CDH4: variants seen among roughly 807,000 people sequenced by gnomAD.
CDH4 encodes the protein cadherin 4, also known as cadherin-4.
CDH4 carries 33 observed loss-of-function variants against 86.0 expected under a neutral mutation model. The ratio of observed to expected loss-of-function variants is 0.38; its 90% CI spans 0.29 to 0.51. The LOEUF (loss-of-function observed/expected upper bound fraction) is 0.51. Among genes scored for constraint, CDH4 ranks in the 20% least tolerant of loss-of-function variants. The pLI is 0.86. For missense variants in CDH4, 1,114 were observed against 1,307.4 expected, an observed-to-expected ratio of 0.85 and a Z score of 2.28; for synonymous variants, 555 against 549.4, an observed-to-expected ratio of 1.01 and a Z score of -0.14.
chr20:61,929,796 C>T lies in CDH4; in HGVS notation c.2193C>T (p.Gly731=), dbSNP rs769694905. The change falls in exon 13 of 16, where the codon GGC becomes GGT. Residue 731 remains glycine, a synonymous_variant. Coordinates refer to ENST00000614565, the MANE Select transcript of CDH4 (RefSeq NM_001794.5). The part of the protein sequence containing the change: ...TIGAVAAAGL[G]TGAIVAILIC... ...GCGCAGTGGCAGCGGCTGGTCTGGG[C>T]ACCGGTGCCATCGTGGCCATCCTCA... 1.9e-6 allele frequency: 3 copies of T among 1,614,008 alleles called. No homozygotes were observed. The highest frequency in any genetic ancestry group is 1.1e-5 in the South Asian group (1 of 91,088).
intron 4 of CDH4, among the ~76,000 whole-genome samples, chr20:61,780,558 T>A (rs1440350224): frequency 6.6e-6 from 1 of 152,204 alleles, no homozygotes; most frequent in Non-Finnish European, 1.5e-5. Flanking sequence ...CCCTTCATGG[T>A]CATTAGGAAG....
chr20:61,449,977 ACT>A (rs1346371920), intron 2 of CDH4, among the ~76,000 whole-genome samples: 2 of 152,162 alleles, frequency 1.3e-5, no homozygotes, highest in Non-Finnish European at 2.9e-5. Flanking sequence ...ACCAGCGAGA[ACT>A]CTGTGTTCCC....
chr20:61,343,220 A>G (rs1295115938), intron 2 of CDH4, among the ~76,000 whole-genome samples: 1 of 152,228 alleles, frequency 6.6e-6, no homozygotes, highest in Non-Finnish European at 1.5e-5. Flanking sequence ...GAGTTTTTGC[A>G]CTTAGCATGC....
At chr20:61,437,916 G>A (rs186397446) in intron 2 of CDH4, among the ~76,000 whole-genome samples, 17 of 152,312 alleles carry the variant, frequency 1.1e-4, no homozygotes, top group African/African-American at 2.2e-4. Flanking sequence ...ATCGGGAAAC[G>A]TTTTCTACTA....
At chr20:61,719,345 G>C in intron 2 of CDH4, 1 of 321,402 alleles carries the variant, frequency 3.1e-6, no homozygotes, top group Non-Finnish European at 6.5e-6. Context: ...AGGCCTGTGA[G>C]GTTTTTATTC....
In CDH4 at chr20:61,457,188, G is replaced by A. The variant is rs187642241; in HGVS notation, c.169+202251G>A. Among the ~76,000 whole-genome samples, 24 of 152,250 alleles carry A rather than the reference G, an allele frequency of 1.6e-4. No homozygotes were observed. The Middle Eastern group carries it at 0.01, about 65-fold the overall frequency. On this transcript the variant is annotated intron_variant, in intron 2 of 15. Transcript: ENST00000614565. ...GGGGGCCCTTTTGGAGACAAGGAGC[G>A]GACAAGGTCATGGTGGTGGCTGCAG...
At position 61,559,255 on chromosome 20, in the gene CDH4, T is replaced by G. The variant is rs919832192; in HGVS notation, c.170-184308T>G. On this transcript the variant is annotated intron_variant, in intron 2 of 15. Transcript: ENST00000614565. ...ATTGCCTGAGCCTGGGAAACGGAGGTTGCAGTAAGCCAAGATTGTGCCACT... is the reference window on the plus strand; with the variant it reads ...ATTGCCTGAGCCTGGGAAACGGAGGGTGCAGTAAGCCAAGATTGTGCCACT... 1.1e-4 allele frequency among the ~76,000 whole-genome samples: 16 copies of G among 152,132 alleles called. No homozygotes were observed. In the South Asian group the frequency reaches 3.3e-3, roughly 32 times the overall value.
At chr20:61,340,313 G>T (rs35327127) in intron 2 of CDH4, among the ~76,000 whole-genome samples, 20,134 of 152,176 alleles carry the variant, frequency 0.13, 1,708 homozygotes, top group East Asian at 0.32. Flanking sequence ...ATATGGATGA[G>T]TTGCCAACAG....
In CDH4 at chr20:61,623,464, AGCC is replaced by A; in HGVS notation, c.170-120098_170-120096del. Among the ~76,000 whole-genome samples the A allele has an allele frequency of 6.6e-6, 1 of 152,214 alleles. No individual in the cohort carries two copies. The highest frequency in any genetic ancestry group is 3.2e-3 in the Middle Eastern group (1 of 316). On this transcript the variant is annotated intron_variant, in intron 2 of 15. Coordinates refer to ENST00000614565, the MANE Select transcript of CDH4 (RefSeq NM_001794.5). This position sits in a 1 kb window ranked among gnomAD's most constrained non-coding sequence, Gnocchi z 4.4. Reference sequence around the variant, plus strand: ...TCTTTATATAGATTACACCTTCCAAAGCCTTCAGAAATACCATTACAATGAAAA... The same window carrying A: ...TCTTTATATAGATTACACCTTCCAAATTCAGAAATACCATTACAATGAAAA...
intron 2 of CDH4, among the ~76,000 whole-genome samples, chr20:61,397,916 G>A (rs567473002): frequency 1.3e-5 from 2 of 151,972 alleles, no homozygotes; most frequent in African/African-American, 2.4e-5. Context: ...TTTTTTTAGC[G>A]CATCCAGTGT....
intron 2 of CDH4, among the ~76,000 whole-genome samples, chr20:61,667,579 G>A (rs368279759): frequency 2.6e-5 from 4 of 152,196 alleles, no homozygotes; most frequent in African/African-American, 4.8e-5. Context: ...GAGCATACAC[G>A]TGTGCCCCCA....
intron 2 of CDH4, among the ~76,000 whole-genome samples, chr20:61,486,814 A>G (rs1483342022): frequency 6.6e-6 from 1 of 152,188 alleles, no homozygotes; most frequent in Non-Finnish European, 1.5e-5. Context: ...ACTTGGGCCC[A>G]GGAGTTCAAG....
chr20:61,401,252 A>G (rs570153939), intron 2 of CDH4, among the ~76,000 whole-genome samples: 1 of 152,350 alleles, frequency 6.6e-6, no homozygotes, highest in South Asian at 2.1e-4. Flanking sequence ...GCAATTGTAA[A>G]CCTGCTCCAC....
intron 2 of CDH4, among the ~76,000 whole-genome samples, chr20:61,741,212 AAACAAC>A (rs796875003): frequency 3.9e-5 from 6 of 152,138 alleles, no homozygotes; most frequent in Non-Finnish European, 8.8e-5. Flanking sequence ...CCATCTCAAA[AAACAAC>A]AACAACAACA....
At chr20:61,365,600 T>C (rs2084807490) in intron 2 of CDH4, among the ~76,000 whole-genome samples, 1 of 152,086 alleles carries the variant, frequency 6.6e-6, no homozygotes, top group Non-Finnish European at 1.5e-5. Flanking sequence ...AGAATGACTG[T>C]GAGCCAGGAT....
At chr20:61,527,037 C>A (rs768565273) in intron 2 of CDH4, among the ~76,000 whole-genome samples, 1 of 152,220 alleles carries the variant, frequency 6.6e-6, no homozygotes, top group Non-Finnish European at 1.5e-5. Context: ...GCTCCATTGG[C>A]CTCCGTGGTG....
In CDH4 at chr20:61,851,202, C is replaced by T. The variant is rs114396786; in HGVS notation, c.733-1552C>T. Among the ~76,000 whole-genome samples the T allele has an allele frequency of 8.9e-3, 1,359 of 152,328 alleles. 28 individuals are homozygous for T. The highest frequency in any genetic ancestry group is 0.03 in the African/African-American group (1,231 of 41,562). On this transcript the variant is annotated intron_variant, in intron 5 of 15. Transcript: ENST00000614565. ...ACCTGGCGTGCGTGCAGCCACATCTCGCGTGGCAGTCTGCAGTTCCTCCAG... is the reference window on the plus strand; with the variant it reads ...ACCTGGCGTGCGTGCAGCCACATCTTGCGTGGCAGTCTGCAGTTCCTCCAG...
chr20:61,322,201 T>A (rs2084512562), intron 2 of CDH4, among the ~76,000 whole-genome samples: 1 of 152,242 alleles, frequency 6.6e-6, no homozygotes, highest in Non-Finnish European at 1.5e-5. Flanking sequence ...TCTGCTGGCC[T>A]GTGGTTGGGA....
intron 2 of CDH4, among the ~76,000 whole-genome samples, chr20:61,438,585 G>A (rs534884734): frequency 1.1e-4 from 16 of 152,352 alleles, no homozygotes; most frequent in Admixed American, 3.3e-4. Flanking sequence ...AACTGTAGAT[G>A]TCATATATCT....
Sources: gnomAD v4.1 joint callset for allele counts (sites outside exome capture counted in the v4.1 genomes callset) on GRCh38, gnomAD v4.1.1 for gene constraint, Gnocchi (gnomAD v3.1) non-coding constraint, MANE v1.5 for transcripts, NCBI Gene and HGNC (gene_info 2026-07-23, HGNC 2026-07-21) for gene names.